Variants in ROBO2 observed in about 807,000 individuals in gnomAD.
ROBO2 encodes roundabout guidance receptor 2, also known as roundabout homolog 2.
A neutral mutation model predicts 160.8 loss-of-function variants in ROBO2; 53 were observed. That is an observed-to-expected ratio of 0.33 (90% confidence interval 0.26 to 0.41). The LOEUF (loss-of-function observed/expected upper bound fraction) is 0.41. Ranked by LOEUF, ROBO2 falls within the 10% of genes least tolerant of loss-of-function variation. ROBO2 has a pLI of 1.00. For missense variants in ROBO2, 1,577 were observed against 1,722.4 expected, an observed-to-expected ratio of 0.92 and a Z score of 1.49; for synonymous variants, 664 against 611.7, an observed-to-expected ratio of 1.09 and a Z score of -1.26.
At chr3:76,474,803 C>A (rs960088861) in intron 2 of ROBO2, among the ~76,000 whole-genome samples, 1 of 152,072 alleles carries the variant, frequency 6.6e-6, no homozygotes, top group East Asian at 1.9e-4. Flanking sequence ...CTCACTCTTG[C>A]ATCTGCAGAT....
intron 2 of ROBO2, among the ~76,000 whole-genome samples, chr3:76,856,811 C>A (rs1176188731): frequency 1.3e-5 from 2 of 152,120 alleles, no homozygotes; most frequent in African/African-American, 4.8e-5. Context: ...TCATAAACAA[C>A]CCTGTATTAG....
intron 2 of ROBO2, among the ~76,000 whole-genome samples, chr3:76,238,540 C>T (rs1378012870): frequency 2.0e-5 from 3 of 151,590 alleles, no homozygotes; most frequent in Non-Finnish European, 4.4e-5. Context: ...GTAATCACCT[C>T]CCCCCAGGTC....
At chr3:75,925,713 C>T (rs1472770989) in intron 1 of ROBO2, among the ~76,000 whole-genome samples, 2 of 152,124 alleles carry the variant, frequency 1.3e-5, no homozygotes, top group Admixed American at 6.6e-5. Context: ...ATGTATTTGC[C>T]AGCCACTTAT....
intron 2 of ROBO2, among the ~76,000 whole-genome samples, chr3:77,340,132 C>T (rs1004927277): frequency 6.6e-6 from 1 of 151,746 alleles, no homozygotes; most frequent in Non-Finnish European, 1.5e-5. Flanking sequence ...TAAGATTGCT[C>T]AATTCGTATT....
At chr3:76,576,697 CTTTCTTTTTTT>C (rs1229854643) in intron 2 of ROBO2, among the ~76,000 whole-genome samples, 1 of 58,678 alleles carries the variant, frequency 1.7e-5, no homozygotes, top group Admixed American at 2.2e-4. Flanking sequence ...AAATCATTTT[CTTTCTTTTTTT>C]TTTTTTTTTT....
At chr3:77,627,533 T>C (rs1302501851) in intron 23 of ROBO2, among the ~76,000 whole-genome samples, 2 of 152,098 alleles carry the variant, frequency 1.3e-5, no homozygotes, top group Non-Finnish European at 2.9e-5. Context: ...GATCTGCCCA[T>C]TTTAGCCTCC....
At chr3:76,650,440 T>C (rs2091200715) in intron 2 of ROBO2, among the ~76,000 whole-genome samples, 1 of 152,084 alleles carries the variant, frequency 6.6e-6, no homozygotes, top group Non-Finnish European at 1.5e-5. Flanking sequence ...AATAAGTTTC[T>C]TAATACTGAG....
In ROBO2 at chr3:77,369,841, A is replaced by G. The variant is rs193268433; in HGVS notation, c.389-107573A>G. Among the ~76,000 whole-genome samples, 126 of 152,300 alleles carry G rather than the reference A, an allele frequency of 8.3e-4. 1 individual carries two copies. The highest frequency in any genetic ancestry group is 6.8e-3 in the Middle Eastern group (2 of 294). On this transcript the variant is annotated intron_variant, in intron 2 of 25. Coordinates refer to ENST00000461745, the Ensembl canonical transcript of ROBO2. ...GAGTTATTCACTGGCCTATGTGTGA[A>G]TGAAAATATGGCCATCTATAGTTAA...
chr3:77,071,994 G>A (rs2067470078), intron 1 of ROBO2, among the ~76,000 whole-genome samples: 1 of 152,114 alleles, frequency 6.6e-6, no homozygotes, highest in South Asian at 2.1e-4. Context: ...CACACAGCAG[G>A]ATGTGAGCGG....
At chr3:76,442,237 A>C (rs1444424613) in intron 2 of ROBO2, among the ~76,000 whole-genome samples, 2 of 152,278 alleles carry the variant, frequency 1.3e-5, no homozygotes, top group East Asian at 3.9e-4. Flanking sequence ...TAGGACAAAA[A>C]AACCCGAGGA....
intron 2 of ROBO2, among the ~76,000 whole-genome samples, chr3:77,033,499 G>A (rs1395261231): frequency 6.6e-6 from 1 of 152,124 alleles, no homozygotes; most frequent in African/African-American, 2.4e-5. Context: ...TTTTTAATGT[G>A]TTTGGTAAAG....
At position 77,510,954 on chromosome 3, in the gene ROBO2, G is replaced by T. The variant is rs141814460; in HGVS notation, c.807-11821G>T. Reference sequence around the variant, plus strand: ...CAGATTTGCATTAAGGCATGAAGAAGAAATATCTGAGAAAGACAGATAAGA... The same window carrying T: ...CAGATTTGCATTAAGGCATGAAGAATAAATATCTGAGAAAGACAGATAAGA... On this transcript the variant is annotated intron_variant, in intron 5 of 25. Coordinates refer to ENST00000461745, the Ensembl canonical transcript of ROBO2. Among the ~76,000 whole-genome samples the T allele has an allele frequency of 2.2e-3, 341 of 152,086 alleles. 1 individual carries two copies. The highest frequency in any genetic ancestry group is 7.8e-3 in the African/African-American group (324 of 41,524).
At chr3:77,568,501 CA>C in intron 13 of ROBO2, 67 bp downstream of exon 14, 1 of 1,563,734 alleles carries the variant, frequency 6.4e-7, no homozygotes, top group African/African-American at 1.4e-5. Context: ...ATGGAAAATG[CA>C]AATGAACAAA....
chr3:76,896,539 G>A (rs2074791702), intron 2 of ROBO2, among the ~76,000 whole-genome samples: 1 of 152,072 alleles, frequency 6.6e-6, no homozygotes, highest in African/African-American at 2.4e-5. Context: ...ATGTGATATA[G>A]ATGATCATGC....
chr3:76,400,208 AATATCTTAAG>A (rs1405932818), intron 2 of ROBO2, among the ~76,000 whole-genome samples: 1 of 151,644 alleles, frequency 6.6e-6, no homozygotes, highest in Non-Finnish European at 1.5e-5. Flanking sequence ...GCATTGAAGC[AATATCTTAAG>A]ATATCTAGAC....
chr3:77,125,101 C>T (rs1475791071), intron 2 of ROBO2, among the ~76,000 whole-genome samples: 1 of 152,188 alleles, frequency 6.6e-6, no homozygotes, highest in Non-Finnish European at 1.5e-5. Flanking sequence ...CATGTCCCTA[C>T]TTTTGCTCAT....
At chr3:76,530,838 G>T (rs775996805) in intron 2 of ROBO2, among the ~76,000 whole-genome samples, 1 of 152,118 alleles carries the variant, frequency 6.6e-6, no homozygotes, top group Admixed American at 6.5e-5. Context: ...TAACAAGGCT[G>T]GCTTCTGGTG....
At chr3:76,497,619 TA>T (rs1283178870) in intron 2 of ROBO2, among the ~76,000 whole-genome samples, 1 of 152,164 alleles carries the variant, frequency 6.6e-6, no homozygotes, top group Non-Finnish European at 1.5e-5. Flanking sequence ...TTTGGGCAAA[TA>T]TAAGTCTAGA....
intron 2 of ROBO2, among the ~76,000 whole-genome samples, chr3:77,455,960 GT>G (rs2081597387): frequency 6.6e-6 from 1 of 152,054 alleles, no homozygotes; most frequent in African/African-American, 2.4e-5. Flanking sequence ...AAATGCAAAT[GT>G]TTATTTCCCT....
Sources: gnomAD v4.1 joint callset for allele counts (sites outside exome capture counted in the v4.1 genomes callset) on GRCh38, gnomAD v4.1.1 for gene constraint, MANE v1.5 for transcripts, NCBI Gene and HGNC (gene_info 2026-07-23, HGNC 2026-07-21) for gene names.